Variants in EHBP1 observed in about 807,000 individuals in gnomAD.
The protein encoded by EHBP1 is EH domain binding protein 1.
In EHBP1, 55 loss-of-function variants were observed where a neutral mutation model predicts 144.0. That is an observed-to-expected ratio of 0.38 (90% CI 0.31 to 0.48). EHBP1 has a LOEUF of 0.48. Among genes scored for constraint, EHBP1 ranks in the 20% least tolerant of loss-of-function variants. EHBP1 has a pLI of 0.98. For synonymous variants in EHBP1, 469 were observed against 472.7 expected (o/e 0.99, Z 0.10); for missense variants, 1,200 against 1,364.2 (o/e 0.88, Z 1.90).
chr2:62,987,510 T>A (rs2059247306), intron 15 of EHBP1, among the ~76,000 whole-genome samples: 1 of 152,206 alleles, frequency 6.6e-6, no homozygotes, highest in Admixed American at 6.5e-5. Flanking sequence ...ATGAGGAATG[T>A]GTGCTTATTT....
chr2:62,924,221 A>T (rs759619495), intron 10 of EHBP1, among the ~76,000 whole-genome samples: 2 of 152,178 alleles, frequency 1.3e-5, no homozygotes, highest in Non-Finnish European at 2.9e-5. Context: ...AAAGTAACCT[A>T]TGGCCACAGG....
At chr2:62,772,712 A>G (rs1261951815) in intron 5 of EHBP1, among the ~76,000 whole-genome samples, 3 of 152,228 alleles carry the variant, frequency 2.0e-5, no homozygotes, top group African/African-American at 7.2e-5. Flanking sequence ...AGCTTTTACC[A>G]TTGCCATCAT....
intron 1 of EHBP1, among the ~76,000 whole-genome samples, chr2:62,684,481 A>G (rs1372171391): frequency 6.6e-6 from 1 of 152,214 alleles, no homozygotes; most frequent in Non-Finnish European, 1.5e-5. Flanking sequence ...AGTGGGAAAA[A>G]CAAGGGTAAA....
chr2:62,867,008 C>T (rs980197499), intron 9 of EHBP1, among the ~76,000 whole-genome samples: 12 of 151,964 alleles, frequency 7.9e-5, no homozygotes, highest in Non-Finnish European at 1.8e-4. Flanking sequence ...AAAAACCTGT[C>T]AACATAATTT....
intron 3 of EHBP1, among the ~76,000 whole-genome samples, chr2:62,764,001 G>T (rs1033272227): frequency 1.3e-5 from 2 of 152,048 alleles, no homozygotes; most frequent in African/African-American, 4.8e-5. Context: ...TCTTCTGTGT[G>T]TATGAGGGGA....
chr2:62,899,792 G>A (rs2053248231), intron 10 of EHBP1, among the ~76,000 whole-genome samples: 1 of 152,142 alleles, frequency 6.6e-6, no homozygotes, highest in African/African-American at 2.4e-5. Context: ...TCTATCTGCT[G>A]ACCAGTTGGC....
At position 62,979,285 on chromosome 2, in the gene EHBP1, A is replaced by G. The variant is rs750382472; in HGVS notation, c.2558A>G (p.Tyr853Cys). The G allele has an allele frequency of 5.6e-6, 9 of 1,613,818 alleles. No homozygotes were observed. The African/African-American group carries it at 6.7e-5, about 12-fold the overall frequency. The change falls in exon 15 of 23, where the codon TAT (tyrosine) becomes TGT (cysteine). Residue 853 changes from tyrosine (Y) to cysteine (C), a missense_variant. Coordinates refer to ENST00000431489, the MANE Select transcript of EHBP1 (RefSeq NM_001142616.3). ...SGVKMSELPSYGEMAAEKLKE... is the reference protein window; with the variant it reads ...SGVKMSELPSCGEMAAEKLKE... ...GTGAAGATGTCAGAACTTCCCAGCT[A>G]TGGTGAAATGGCTGCAGAAAAGTTG...
At chr2:62,851,139 C>G (rs746083254) in intron 7 of EHBP1, among the ~76,000 whole-genome samples, 1 of 152,170 alleles carries the variant, frequency 6.6e-6, no homozygotes, top group Non-Finnish European at 1.5e-5. Context: ...GATGCTTTGT[C>G]TTGCTTCCTA....
intron 14 of EHBP1, among the ~76,000 whole-genome samples, chr2:62,957,640 G>GTTTTTTTTTT (rs771682026): frequency 2.9e-5 from 2 of 69,702 alleles, no homozygotes; most frequent in Admixed American, 1.4e-4. Context: ...GAAAATAAAT[G>GTTTTTTTTTT]CTTTTTTTTT....
chr2:62,849,180 C>T (rs1449442518), intron 7 of EHBP1, among the ~76,000 whole-genome samples: 1 of 151,920 alleles, frequency 6.6e-6, no homozygotes, highest in Non-Finnish European at 1.5e-5. Context: ...TGCCTTTTAG[C>T]TTCTGCTTGG....
At chr2:62,859,078 C>T (rs998943352) in intron 7 of EHBP1, 91 bp from the exon 8 acceptor site, 13 of 1,231,672 alleles carry the variant, frequency 1.1e-5, no homozygotes, top group South Asian at 9.0e-5. Flanking sequence ...AGGTATTATT[C>T]GTGTGAACTT....
intron 19 of EHBP1, among the ~76,000 whole-genome samples, chr2:63,015,629 G>A (rs1196599962): frequency 1.3e-5 from 2 of 152,028 alleles, no homozygotes; most frequent in Non-Finnish European, 2.9e-5. Context: ...CTACAGGCAA[G>A]TGCCACCCTG....
chr2:62,927,681 A>G (rs13027462), intron 10 of EHBP1, among the ~76,000 whole-genome samples: 17,003 of 152,188 alleles, frequency 0.11, 1,231 homozygotes, highest in East Asian at 0.19. Context: ...GGAAACTTCT[A>G]TACCCCACTC....
At position 62,849,782 on chromosome 2, in the gene EHBP1, A is replaced by G. The variant is rs373029810; in HGVS notation, c.635-9387A>G. On this transcript the variant is annotated intron_variant, in intron 7 of 22. Coordinates refer to ENST00000431489, the MANE Select transcript of EHBP1 (RefSeq NM_001142616.3). ...TAGTTGTTAGAAATACAAGACGAAC[A>G]TGACATAGTAGCACAGCTGTTGAAT... 1.9e-4 allele frequency among the ~76,000 whole-genome samples: 29 copies of G among 152,360 alleles called. No homozygotes were observed. The East Asian group carries it at 4.4e-3, about 23-fold the overall frequency.
chr2:62,970,003 G>A (rs2058424244), intron 14 of EHBP1, among the ~76,000 whole-genome samples: 1 of 151,708 alleles, frequency 6.6e-6, no homozygotes, highest in African/African-American at 2.4e-5. Context: ...CTAAAATCTT[G>A]TAATTTTATT....
At chr2:62,892,337 A>C (rs147200492) in intron 10 of EHBP1, among the ~76,000 whole-genome samples, 1 of 152,178 alleles carries the variant, frequency 6.6e-6, no homozygotes, top group African/African-American at 2.4e-5. Flanking sequence ...GACCATTCAC[A>C]TATAACTTCT....
intron 10 of EHBP1, among the ~76,000 whole-genome samples, chr2:62,880,734 A>T (rs772798491): frequency 1.3e-5 from 2 of 152,226 alleles, no homozygotes; most frequent in Non-Finnish European, 2.9e-5. Context: ...AATGGCTATC[A>T]TTAAAAAGTC....
At chr2:62,757,520 G>A (rs114174563) in intron 3 of EHBP1, among the ~76,000 whole-genome samples, 7,420 of 141,604 alleles carry the variant, frequency 0.052, 291 homozygotes, top group Non-Finnish European at 0.081. Context: ...TGCAACCTCC[G>A]CTTCCTGGGT....
At chr2:63,020,280 T>C (rs2060673682) in intron 19 of EHBP1, among the ~76,000 whole-genome samples, 1 of 138,196 alleles carries the variant, frequency 7.2e-6, no homozygotes. Context: ...GCCGAAATCA[T>C]GCCATTGCAC....
Sources: allele counts gnomAD v4.1 joint callset (sites outside exome capture counted in the v4.1 genomes callset), GRCh38; gene constraint gnomAD v4.1.1; transcripts MANE v1.5; gene names NCBI Gene and HGNC (gene_info 2026-07-23, HGNC 2026-07-21).